MND1: variants seen among roughly 807,000 people sequenced by gnomAD.
MND1 encodes the protein meiotic nuclear divisions 1, also known as meiotic nuclear division protein 1 homolog.
MND1 carries 28 observed loss-of-function variants against 35.1 expected under a neutral mutation model. That is an observed-to-expected ratio of 0.80 (90% confidence interval 0.59 to 1.09). The LOEUF (loss-of-function observed/expected upper bound fraction) is 1.09, where lower values mean the gene tolerates loss of function less well. Ranked by LOEUF, MND1 falls within the 50% of genes least tolerant of loss-of-function variation. The pLI, the probability that MND1 is intolerant of heterozygous loss-of-function variation, is 0.00. For synonymous variants in MND1, 69 were observed against 70.5 expected (o/e 0.98, Z 0.11); for missense variants, 213 against 239.6 (o/e 0.89, Z 0.73).
At chr4:153,407,792 G>A (rs888628581) in intron 6 of MND1, among the ~76,000 whole-genome samples, 6 of 152,228 alleles carry the variant, frequency 3.9e-5, no homozygotes, top group African/African-American at 1.2e-4. Context: ...CGTATGTTTC[G>A]TTCATATGAA....
At chr4:153,398,240 G>A (rs1729253332) in intron 6 of MND1, among the ~76,000 whole-genome samples, 1 of 152,112 alleles carries the variant, frequency 6.6e-6, no homozygotes, top group Admixed American at 6.6e-5. Flanking sequence ...AATTGTTTGG[G>A]AAAATATTTA....
chr4:153,361,386 G>C, intron 4 of MND1: 1 of 445,088 alleles, frequency 2.2e-6, no homozygotes, highest in Admixed American at 2.5e-5. Flanking sequence ...TGATTGTCTT[G>C]TTTTCCTTAG....
chr4:153,356,130 A>G (rs1268843453), intron 3 of MND1, among the ~76,000 whole-genome samples: 1 of 152,240 alleles, frequency 6.6e-6, no homozygotes, highest in African/African-American at 2.4e-5. Context: ...TGTCTTTAAA[A>G]TAAAAATCCA....
intron 4 of MND1, among the ~76,000 whole-genome samples, chr4:153,384,446 T>TTTTTTTTA (rs1728797901): frequency 1.4e-5 from 1 of 72,456 alleles, no homozygotes; most frequent in Admixed American, 1.3e-4. Flanking sequence ...ATGTTTAATT[T>TTTTTTTTA]TTTTTTTTTT....
At chr4:153,392,447 C>G (rs1481515081) in intron 4 of MND1, among the ~76,000 whole-genome samples, 1 of 152,096 alleles carries the variant, frequency 6.6e-6, no homozygotes, top group African/African-American at 2.4e-5. Context: ...GAAATTAAAT[C>G]TATCCAATTA....
chr4:153,394,797 A>C (rs939154435), intron 5 of MND1, among the ~76,000 whole-genome samples: 2 of 152,196 alleles, frequency 1.3e-5, no homozygotes, highest in African/African-American at 4.8e-5. Flanking sequence ...TCAACATAGT[A>C]TCTTTGGCCT....
At chr4:153,406,035 C>T (rs546564936) in intron 6 of MND1, among the ~76,000 whole-genome samples, 1 of 152,050 alleles carries the variant, frequency 6.6e-6, no homozygotes, top group East Asian at 2.0e-4. Context: ...GATCTGACCT[C>T]GTGATCTGCC....
intron 6 of MND1, among the ~76,000 whole-genome samples, chr4:153,399,340 C>T (rs1729282896): frequency 6.6e-6 from 1 of 152,138 alleles, no homozygotes. Context: ...GACATCACCT[C>T]CAATTGACTC....
chr4:153,406,924 A>ATTG (rs1453369456), intron 6 of MND1, among the ~76,000 whole-genome samples: 3 of 152,234 alleles, frequency 2.0e-5, no homozygotes, highest in Admixed American at 6.5e-5. Context: ...TACGTCTCAC[A>ATTG]TGGTGGCAGA....
Position 153,358,446 on chromosome 4 carries a change from C to T in MND1, c.128-28C>T, listed in dbSNP as rs763566833. 26 of 1,551,972 alleles carry T rather than the reference C, an allele frequency of 1.7e-5. 1 individual carries two copies. The South Asian group carries it at 3.1e-4, about 18-fold the overall frequency. ...AATTTTATTTATGGTGTTTTTCTAACATAGAGTCTTTAAAAATTGTCTCTT... is the reference window on the plus strand; with the variant it reads ...AATTTTATTTATGGTGTTTTTCTAATATAGAGTCTTTAAAAATTGTCTCTT... On this transcript the variant is annotated intron_variant, in intron 3 of 7. Coordinates refer to ENST00000240488, the MANE Select transcript of MND1 (RefSeq NM_032117.4).
chr4:153,345,821 G>A (rs7667008), intron 1 of MND1, among the ~76,000 whole-genome samples: 37,993 of 152,158 alleles, frequency 0.25, 5,648 homozygotes, highest in African/African-American at 0.41. Context: ...GTGCTCTAAG[G>A]AGCCAAACAG....
At chr4:153,346,415 G>T (rs537209789) in intron 1 of MND1, among the ~76,000 whole-genome samples, 3 of 152,286 alleles carry the variant, frequency 2.0e-5, no homozygotes, top group African/African-American at 7.2e-5. Flanking sequence ...GTCAGGTTTT[G>T]AGTCTCCTGA....
intron 4 of MND1, among the ~76,000 whole-genome samples, chr4:153,360,601 TG>T (rs1413450220): frequency 6.9e-6 from 1 of 145,706 alleles, no homozygotes; most frequent in African/African-American, 2.5e-5. Flanking sequence ...TGTGTGTGTG[TG>T]TGTGTATATA....
intron 4 of MND1, among the ~76,000 whole-genome samples, chr4:153,368,328 C>G (rs546796528): frequency 6.6e-6 from 1 of 152,250 alleles, no homozygotes; most frequent in Non-Finnish European, 1.5e-5. Flanking sequence ...TTTTTTATCA[C>G]AAGTAAAATA....
At chr4:153,387,970 C>T (rs1728914548) in intron 4 of MND1, among the ~76,000 whole-genome samples, 1 of 151,970 alleles carries the variant, frequency 6.6e-6, no homozygotes, top group African/African-American at 2.4e-5. Context: ...CTATATTCCT[C>T]CCTTAATGCT....
At chr4:153,393,362 T>C (rs2149652441) in intron 4 of MND1, among the ~76,000 whole-genome samples, 1 of 148,116 alleles carries the variant, frequency 6.8e-6, no homozygotes, top group African/African-American at 2.6e-5. Context: ...CAAATTCAAT[T>C]TCTTTCTTTT....
At chr4:153,351,399 A>G (rs1380053077) in intron 2 of MND1, among the ~76,000 whole-genome samples, 1 of 152,176 alleles carries the variant, frequency 6.6e-6, no homozygotes, top group Admixed American at 6.5e-5. Flanking sequence ...TGATTGATTT[A>G]TTTCATATAT....
chr4:153,391,289 G>A (rs987650468), intron 4 of MND1, among the ~76,000 whole-genome samples: 2 of 151,920 alleles, frequency 1.3e-5, no homozygotes, highest in African/African-American at 2.4e-5. Flanking sequence ...TCAGCCTCTC[G>A]AGTAGCTGGG....
chr4:153,396,162 A>T (rs1729192240), intron 5 of MND1, among the ~76,000 whole-genome samples: 1 of 152,224 alleles, frequency 6.6e-6, no homozygotes, highest in South Asian at 2.1e-4. Context: ...ATATTTAAAT[A>T]AAAATTAGCT....
Sources: allele counts gnomAD v4.1 joint callset (sites outside exome capture counted in the v4.1 genomes callset), GRCh38; gene constraint gnomAD v4.1.1; transcripts MANE v1.5; gene names NCBI Gene and HGNC (gene_info 2026-07-23, HGNC 2026-07-21).